Variants in PAX3 observed in about 807,000 individuals in gnomAD.
The protein encoded by PAX3 is paired box 3, also known as paired box protein Pax-3.
A neutral mutation model predicts 51.6 loss-of-function variants in PAX3; 14 were observed. That is an observed-to-expected ratio of 0.27 (90% CI 0.18 to 0.42). PAX3 has a LOEUF of 0.42. Ranked by LOEUF, PAX3 falls within the 10% of genes least tolerant of loss-of-function variation. The pLI, the probability that PAX3 is intolerant of heterozygous loss-of-function variation, is 1.00. For missense variants in PAX3, 540 were observed against 642.8 expected (o/e 0.84, Z 1.73); for synonymous variants, 280 against 253.4 (o/e 1.11, Z -1.00).
intron 4 of PAX3, among the ~76,000 whole-genome samples, chr2:222,236,857 C>T (rs918300671): frequency 6.6e-6 from 1 of 152,162 alleles, no homozygotes; most frequent in African/African-American, 2.4e-5. Flanking sequence ...ATACTCTTCC[C>T]AAATTTGAAA....
At chr2:222,240,503 G>A (rs1265683136) in intron 4 of PAX3, among the ~76,000 whole-genome samples, 1 of 152,232 alleles carries the variant, frequency 6.6e-6, no homozygotes, top group Non-Finnish European at 1.5e-5. Context: ...CAGCAAACAA[G>A]AAAGGCTTAT....
intron 7 of PAX3, chr2:222,214,914 A>C (rs1289541146): frequency 1.3e-5 from 2 of 151,784 alleles, no homozygotes; most frequent in Admixed American, 6.6e-5. Flanking sequence ...TTTGTAATTT[A>C]AGCCTATTTT....
chr2:222,237,159 T>G (rs952270613), intron 4 of PAX3, among the ~76,000 whole-genome samples: 1 of 152,076 alleles, frequency 6.6e-6, no homozygotes, highest in Non-Finnish European at 1.5e-5. Context: ...AATTAGATAC[T>G]TATCCCACTG....
At chr2:222,249,995 G>C (rs1693365901) in intron 4 of PAX3, among the ~76,000 whole-genome samples, 1 of 152,066 alleles carries the variant, frequency 6.6e-6, no homozygotes, top group Non-Finnish European at 1.5e-5. Flanking sequence ...TGAGTAAATG[G>C]AGACATATAG....
At chr2:222,201,842 G>C in intron 8 of PAX3, 102 bp downstream of exon 8, 1 of 1,608,640 alleles carries the variant, frequency 6.2e-7, no homozygotes, top group Non-Finnish European at 8.5e-7. Context: ...ATTGATACCG[G>C]CATGTGTGGC....
At chr2:222,218,212 T>A (rs768818301) in intron 7 of PAX3, among the ~76,000 whole-genome samples, 3 of 152,216 alleles carry the variant, frequency 2.0e-5, no homozygotes, top group Non-Finnish European at 4.4e-5. Context: ...AGTATTAGAA[T>A]GATTTTGCTC....
intron 7 of PAX3, among the ~76,000 whole-genome samples, chr2:222,218,406 T>C (rs761409598): frequency 7.9e-5 from 12 of 152,190 alleles, no homozygotes; most frequent in Non-Finnish European, 1.8e-4. Context: ...CAGGTTCTTA[T>C]TAGTTTTATT....
chr2:222,259,052 T>C (rs111440467), intron 4 of PAX3, among the ~76,000 whole-genome samples: 1 of 152,150 alleles, frequency 6.6e-6, no homozygotes, highest in Admixed American at 6.5e-5. Context: ...CTGAAGACTT[T>C]TTTTTTCAAA....
chr2:222,209,170 T>C (rs1691622645), intron 7 of PAX3, among the ~76,000 whole-genome samples: 1 of 152,192 alleles, frequency 6.6e-6, no homozygotes, highest in Non-Finnish European at 1.5e-5. Context: ...TCTGATCTGC[T>C]AAAGGAAGAA....
At chr2:222,231,789 T>C (rs1386686392) in intron 5 of PAX3, among the ~76,000 whole-genome samples, 1 of 152,190 alleles carries the variant, frequency 6.6e-6, no homozygotes, top group Non-Finnish European at 1.5e-5. Context: ...CCACTCAAAA[T>C]TTATTTGCTC....
intron 4 of PAX3, among the ~76,000 whole-genome samples, chr2:222,259,160 G>A (rs1173819571): frequency 6.6e-6 from 1 of 152,048 alleles, no homozygotes; most frequent in Non-Finnish European, 1.5e-5. Context: ...GTGGTTTCTT[G>A]CGAAAGGAAA....
chr2:222,201,782 A>G (rs944659680), intron 8 of PAX3, 162 bp downstream of exon 8: 1 of 1,512,962 alleles, frequency 6.6e-7, no homozygotes, highest in Non-Finnish European at 8.8e-7. Flanking sequence ...ATAATTACAC[A>G]AGGAAGCCCC....
intron 4 of PAX3, among the ~76,000 whole-genome samples, chr2:222,235,113 C>A (rs916127622): frequency 5.9e-5 from 9 of 152,158 alleles, no homozygotes; most frequent in African/African-American, 2.2e-4. Flanking sequence ...ATGTGCCATG[C>A]ACTGTCAGAT....
At chr2:222,216,219 A>G (rs1040339846) in intron 7 of PAX3, among the ~76,000 whole-genome samples, 2 of 152,206 alleles carry the variant, frequency 1.3e-5, no homozygotes, top group African/African-American at 4.8e-5. Context: ...TAGAAGAACT[A>G]GTAAGAACTA....
chr2:222,215,344 C>A (rs1192546731), intron 7 of PAX3, among the ~76,000 whole-genome samples: 3 of 152,006 alleles, frequency 2.0e-5, no homozygotes, highest in African/African-American at 7.2e-5. Flanking sequence ...GTTGATGAAC[C>A]CTAAATGCAG....
At chr2:222,230,858 A>AC (rs995284971) in intron 5 of PAX3, among the ~76,000 whole-genome samples, 6 of 150,256 alleles carry the variant, frequency 4.0e-5, no homozygotes, top group Non-Finnish European at 7.4e-5. Flanking sequence ...CCACCTCAAA[A>AC]AAAAAAAAAA....
chr2:222,222,401 T>C (rs1027964047), intron 5 of PAX3, among the ~76,000 whole-genome samples: 2 of 151,794 alleles, frequency 1.3e-5, no homozygotes, highest in Non-Finnish European at 1.5e-5. Flanking sequence ...CAAAAGTTCA[T>C]TGAAACTTTT....
intron 4 of PAX3, among the ~76,000 whole-genome samples, chr2:222,259,336 A>G (rs1369668592): frequency 6.6e-6 from 1 of 152,244 alleles, no homozygotes; most frequent in Non-Finnish European, 1.5e-5. Context: ...ATCATATGAC[A>G]TTAAAGGCAG....
intron 3 of PAX3, among the ~76,000 whole-genome samples, chr2:222,295,291 A>C (rs1695234579): frequency 6.6e-6 from 1 of 152,048 alleles, no homozygotes; most frequent in Non-Finnish European, 1.5e-5. Context: ...CTCGACAGAA[A>C]TCTTCTTTGG....
Sources: allele counts gnomAD v4.1 joint callset (sites outside exome capture counted in the v4.1 genomes callset), GRCh38; gene constraint gnomAD v4.1.1; transcripts MANE v1.5; gene names NCBI Gene and HGNC (gene_info 2026-07-23, HGNC 2026-07-21).